The following ZNF578 variants were observed in gnomAD, a reference collection of about 807,000 sequenced individuals.
ZNF578 encodes the protein Putative chemokine-related protein B42.
Under a neutral mutation model 8.3 loss-of-function variants are expected in ZNF578, and 8 were observed. The ratio of observed to expected loss-of-function variants is 0.96; its 90% CI spans 0.56 to 1.74. The LOEUF (loss-of-function observed/expected upper bound fraction) is 1.74, where lower values mean the gene tolerates loss of function less well. Ranked by LOEUF, ZNF578 falls within the 40% of genes most tolerant of loss-of-function variation. The probability of loss-of-function intolerance (pLI) is 0.00; values close to 1 mark genes in which losing one functional copy is unlikely to be tolerated. For missense variants in ZNF578, 726 were observed against 707.5 expected (o/e 1.03, Z -0.30); for synonymous variants, 206 against 232.2 (o/e 0.89, Z 1.03).
chr19:52,478,469 T>A (rs1223530595), intron 2 of ZNF578, among the ~76,000 whole-genome samples: 1 of 152,122 alleles, frequency 6.6e-6, no homozygotes, highest in Non-Finnish European at 1.5e-5. Flanking sequence ...GGTACAGATG[T>A]TTCTGCAATT....
intron 2 of ZNF578, among the ~76,000 whole-genome samples, chr19:52,459,769 A>ATATATATATATATT (rs1555751349): frequency 5.7e-5 from 1 of 17,620 alleles, no homozygotes; most frequent in African/African-American, 1.8e-4. Flanking sequence ...ATATATATAT[A>ATATATATATATATT]TTTTTTTTTT....
intron 5 of ZNF578, among the ~76,000 whole-genome samples, chr19:52,505,260 T>TG (rs1317097066): frequency 6.6e-6 from 1 of 152,062 alleles, no homozygotes; most frequent in African/African-American, 2.4e-5. Flanking sequence ...CATAAACTAA[T>TG]GATCATCTTC....
At chr19:52,492,611 A>C (rs938981201) in intron 3 of ZNF578, among the ~76,000 whole-genome samples, 1 of 152,058 alleles carries the variant, frequency 6.6e-6, no homozygotes, top group Non-Finnish European at 1.5e-5. Flanking sequence ...TCATGCCTCA[A>C]CCTTCCTGGC....
intron 2 of ZNF578, among the ~76,000 whole-genome samples, chr19:52,487,458 C>T (rs1051780640): frequency 9.9e-5 from 15 of 152,054 alleles, no homozygotes; most frequent in Admixed American, 6.6e-4. Context: ...GTCTATAAGA[C>T]GTACATTCTA....
rs1568469684 is a variant in ZNF578 at position 52,514,192 on chromosome 19, C to T, written c.*2038C>T. On this transcript the variant is annotated 3_prime_UTR_variant, in exon 6 of 6. Coordinates refer to ENST00000421239, the MANE Select transcript of ZNF578 (RefSeq NM_001099694.2). ...GTTTTAATAGTTTTATTTCTTAACA[C>T]ATAATGACTTCTGAAAGATGCCTTT... is the stretch of plus-strand genomic sequence containing the variant. Among the ~76,000 whole-genome samples, 1 of 152,070 alleles carries T rather than the reference C, an allele frequency of 6.6e-6. No homozygotes were observed. The highest frequency in any genetic ancestry group is 2.4e-5 in the African/African-American group (1 of 41,410).
intron 3 of ZNF578, among the ~76,000 whole-genome samples, chr19:52,494,900 A>T (rs1445421948): frequency 1.3e-5 from 2 of 151,878 alleles, no homozygotes; most frequent in Non-Finnish European, 2.9e-5. Flanking sequence ...GGTGTTATCT[A>T]CTCTAACTGA....
intron 2 of ZNF578, among the ~76,000 whole-genome samples, chr19:52,483,724 A>G (rs1568460136): frequency 6.6e-6 from 1 of 152,200 alleles, no homozygotes; most frequent in African/African-American, 2.4e-5. Flanking sequence ...GGCAATGCAT[A>G]TATATAAAAT....
intron 5 of ZNF578, among the ~76,000 whole-genome samples, chr19:52,506,377 G>A (rs2059425646): frequency 6.6e-6 from 1 of 151,976 alleles, no homozygotes; most frequent in Admixed American, 6.6e-5. Flanking sequence ...TTGGAAGGCT[G>A]AGGTGGGTGA....
At chr19:52,481,577 C>T (rs953902228) in intron 2 of ZNF578, among the ~76,000 whole-genome samples, 1 of 152,130 alleles carries the variant, frequency 6.6e-6, no homozygotes, top group South Asian at 2.1e-4. Flanking sequence ...TAAATCTTGG[C>T]ATCAGAGGTT....
chr19:52,455,960 G>A (rs1465558), intron 1 of ZNF578: 128,579 of 152,294 alleles, frequency 0.84, 56,126 homozygotes, highest in Non-Finnish European at 0.96. Context: ...TACCTGTGTC[G>A]GCCTTGCTCC....
At chr19:52,478,432 G>T (rs1042255298) in intron 2 of ZNF578, among the ~76,000 whole-genome samples, 14 of 152,286 alleles carry the variant, frequency 9.2e-5, no homozygotes, top group African/African-American at 3.4e-4. Context: ...CTCTATTGGG[G>T]TTTCTATTTC....
At position 52,510,710 on chromosome 19, in the gene ZNF578, T is replaced by C; in HGVS notation, c.329T>C (p.Ile110Thr). The change falls in exon 6 of 6, where the codon ATT becomes ACT. Residue 110 changes from isoleucine (I) to threonine (T), a missense_variant. By Grantham distance (89) the Ile-to-Thr change is moderately conservative. Transcript: ENST00000421239. ...TGCTTCCAGGAAATTGAAAAAGATA[T>C]TCATGACTTTGAGTTTCAGTCACAA... Reference protein sequence around the residue: ...DFCFQEIEKDIHDFEFQSQKD... With the variant: ...DFCFQEIEKDTHDFEFQSQKD... The C allele has an allele frequency of 1.9e-6, 3 of 1,612,898 alleles. No individual in the cohort carries two copies. The highest frequency in any genetic ancestry group is 2.5e-6 in the Non-Finnish European group (3 of 1,179,696).
At chr19:52,492,468 C>A (rs1568462326) in intron 3 of ZNF578, among the ~76,000 whole-genome samples, 5 of 152,128 alleles carry the variant, frequency 3.3e-5, no homozygotes, top group Admixed American at 6.5e-5. Flanking sequence ...GAATGAATGG[C>A]GAATAGAAAG....
intron 5 of ZNF578, 126 bp from the exon 6 acceptor site, chr19:52,510,446 G>T (rs1028608180): frequency 7.8e-7 from 1 of 1,283,426 alleles, no homozygotes; most frequent in Admixed American, 2.8e-5. Context: ...TTTTGTGTTC[G>T]TAAACTTTGA....
chr19:52,507,775 C>T (rs1487827781), intron 5 of ZNF578, among the ~76,000 whole-genome samples: 4 of 152,106 alleles, frequency 2.6e-5, no homozygotes, highest in African/African-American at 9.7e-5. Context: ...CCTGGCTGGA[C>T]GAGCTGGCTC....
intron 3 of ZNF578, among the ~76,000 whole-genome samples, chr19:52,494,431 AG>A (rs2059378620): frequency 6.6e-6 from 1 of 152,242 alleles, no homozygotes; most frequent in African/African-American, 2.4e-5. Flanking sequence ...CAGGAGCTCC[AG>A]GCTGCTGTGA....
At chr19:52,496,959 C>T (rs1164610761) in intron 3 of ZNF578, among the ~76,000 whole-genome samples, 1 of 151,638 alleles carries the variant, frequency 6.6e-6, no homozygotes, top group Non-Finnish European at 1.5e-5. Context: ...TTTTTTGAGA[C>T]ACTCTTGCTG....
intron 2 of ZNF578, among the ~76,000 whole-genome samples, chr19:52,467,564 A>G (rs1344942752): frequency 6.6e-6 from 1 of 152,146 alleles, no homozygotes; most frequent in South Asian, 2.1e-4. Flanking sequence ...GGCAGTGAGC[A>G]TGATCAAACC....
intron 1 of ZNF578, chr19:52,455,868 C>T (rs532910508): frequency 1.5e-4 from 23 of 152,278 alleles, no homozygotes; most frequent in African/African-American, 5.5e-4. Flanking sequence ...TTCCAAAATT[C>T]TTTTGAGTTG....
Sources: allele counts gnomAD v4.1 joint callset (sites outside exome capture counted in the v4.1 genomes callset), GRCh38; gene constraint gnomAD v4.1.1; transcripts MANE v1.5; gene names NCBI Gene and HGNC (gene_info 2026-07-23, HGNC 2026-07-21).